PPP1R9A: variants seen among roughly 807,000 people sequenced by gnomAD.
PPP1R9A encodes the protein neurabin-1.
PPP1R9A carries 59 observed loss-of-function variants against 141.9 expected under a neutral mutation model. The observed-to-expected ratio is 0.42, with a 90% confidence interval of 0.34 to 0.52. PPP1R9A has a LOEUF of 0.52. Ranked by LOEUF, PPP1R9A falls within the 20% of genes least tolerant of loss-of-function variation. PPP1R9A has a pLI of 0.10. For missense variants in PPP1R9A, 1,444 were observed against 1,611.9 expected, an observed-to-expected ratio of 0.90 and a Z score of 1.78; for synonymous variants, 500 against 569.7, an observed-to-expected ratio of 0.88 and a Z score of 1.74.
At chr7:95,258,916 C>A (rs1294464393) in intron 12 of PPP1R9A, among the ~76,000 whole-genome samples, 2 of 152,128 alleles carry the variant, frequency 1.3e-5, no homozygotes, top group Non-Finnish European at 2.9e-5. Context: ...TATGGCCCGA[C>A]AAATTTACTT....
At chr7:95,067,547 A>G (rs1015620939) in intron 2 of PPP1R9A, among the ~76,000 whole-genome samples, 1 of 152,194 alleles carries the variant, frequency 6.6e-6, no homozygotes, top group Non-Finnish European at 1.5e-5. Context: ...AATTTGTGTG[A>G]GAAAGAAGAG....
At chr7:94,971,394 A>G (rs187100948) in intron 2 of PPP1R9A, among the ~76,000 whole-genome samples, 2 of 152,372 alleles carry the variant, frequency 1.3e-5, no homozygotes, top group East Asian at 3.9e-4. Flanking sequence ...TGACCAAGCA[A>G]GAAAAGACTG....
intron 4 of PPP1R9A, chr7:95,155,862 A>G (rs899371524): frequency 1.3e-5 from 2 of 152,362 alleles, no homozygotes; most frequent in African/African-American, 4.8e-5. Flanking sequence ...ACAATAAAGC[A>G]TTATTTTGGG....
intron 4 of PPP1R9A, among the ~76,000 whole-genome samples, chr7:95,152,961 TG>T (rs1828977230): frequency 6.6e-6 from 1 of 151,312 alleles, no homozygotes; most frequent in Non-Finnish European, 1.5e-5. Context: ...CCGATTCTCC[TG>T]CCTCAGCCTC....
In PPP1R9A at chr7:95,286,280, T is replaced by A. The variant is rs747675920; in HGVS notation, c.3684T>A (p.Pro1228=). The A allele has an allele frequency of 6.2e-7, 1 of 1,613,682 alleles. No individual in the cohort carries two copies. Among genetic ancestry groups the A allele is most frequent in the Non-Finnish European group, 8.5e-7 (1 of 1,179,716 alleles). ...SADLSGLGAE[P]KTPGLSQSLA... The stretch of plus-strand genomic sequence containing the variant: ...ACCTCAGCGGCTTAGGAGCAGAACC[T>A]AAAACACCAGGGCTCTCTCAGTCCT... Residue 1228 remains proline, a synonymous_variant, in exon 18 of 20, where the codon CCT becomes CCA. Coordinates refer to ENST00000433360, the MANE Select transcript of PPP1R9A (RefSeq NM_001166160.2).
In PPP1R9A at chr7:95,250,029, C is replaced by T; in HGVS notation, c.2170C>T (p.Gln724Ter). ...AEIQKLKTKL[Q>*]AAENEKVRWE... ...CCTTGACGTTTGCTTTCTCCAGCTGCAGGCAGCAGAAAATGAGAAAGTGAG... is the reference window on the plus strand; with the variant it reads ...CCTTGACGTTTGCTTTCTCCAGCTGTAGGCAGCAGAAAATGAGAAAGTGAG... The change falls in exon 10 of 20, where the codon CAG (glutamine) becomes TAG (stop). Residue 724 changes from glutamine (Q) to a stop codon, truncating the protein, a stop_gained. Transcript: ENST00000433360. LOFTEE classifies it high-confidence loss of function. 1 of 1,597,834 alleles carries T rather than the reference C, an allele frequency of 6.3e-7. No individual in the cohort carries two copies. Among genetic ancestry groups the T allele is most frequent in the Non-Finnish European group, 8.5e-7 (1 of 1,173,712 alleles).
At chr7:95,152,212 A>G (rs1208905368) in intron 4 of PPP1R9A, among the ~76,000 whole-genome samples, 2 of 152,068 alleles carry the variant, frequency 1.3e-5, no homozygotes, top group Non-Finnish European at 2.9e-5. Context: ...GGCTTTCCAC[A>G]GTGCTGGGAT....
At chr7:95,034,652 C>T (rs1483700083) in intron 2 of PPP1R9A, among the ~76,000 whole-genome samples, 5 of 152,204 alleles carry the variant, frequency 3.3e-5, no homozygotes, top group Middle Eastern at 3.4e-3. Flanking sequence ...CACACCCGGT[C>T]GTATTTTGTC....
intron 2 of PPP1R9A, among the ~76,000 whole-genome samples, chr7:94,921,303 T>C (rs936592013): frequency 8.6e-5 from 13 of 151,778 alleles, no homozygotes; most frequent in African/African-American, 2.4e-4. Flanking sequence ...AAAAATTAGC[T>C]GGGCGTGGTT....
intron 2 of PPP1R9A, among the ~76,000 whole-genome samples, chr7:95,030,894 G>C (rs928816668): frequency 3.3e-5 from 5 of 152,190 alleles, no homozygotes; most frequent in African/African-American, 1.2e-4. Flanking sequence ...GACTGGAACA[G>C]CATACTGGGC....
rs760599911 is a variant in PPP1R9A at position 95,288,611 on chromosome 7, G to A, written c.3805G>A (p.Val1269Ile). The A allele has an allele frequency of 6.8e-6, 11 of 1,613,968 alleles. No homozygotes were observed. ...CGTTCAGGAATGGAGTGTGCAGCAGGTTTCTCACTGGTTAATGAGCCTAAA... is the reference window on the plus strand; with the variant it reads ...CGTTCAGGAATGGAGTGTGCAGCAGATTTCTCACTGGTTAATGAGCCTAAA... ...RAVQEWSVQQ[V>I]SHWLMSLNLE... The change falls in exon 19 of 20, where the codon GTT becomes ATT. Residue 1269 changes from valine to isoleucine, a missense_variant. Physicochemically the swap from Val to Ile is conservative, Grantham distance 29. Coordinates refer to ENST00000433360, the MANE Select transcript of PPP1R9A (RefSeq NM_001166160.2).
intron 4 of PPP1R9A, among the ~76,000 whole-genome samples, chr7:95,152,215 G>A (rs567420473): frequency 3.3e-5 from 5 of 152,030 alleles, no homozygotes; most frequent in Non-Finnish European, 7.4e-5. Context: ...TTTCCACAGT[G>A]CTGGGATTAC....
At chr7:95,288,350 C>T (rs1415944411) in intron 18 of PPP1R9A, among the ~76,000 whole-genome samples, 186 bp from the exon 19 acceptor site, 1 of 152,064 alleles carries the variant, frequency 6.6e-6, no homozygotes, top group African/African-American at 2.4e-5. Context: ...AATTTCTAAA[C>T]TTCTAAAAAC....
At position 94,978,660 on chromosome 7, in the gene PPP1R9A, T is replaced by G. The variant is rs566421615; in HGVS notation, c.1395+67152T>G. ...AAATAAACACCAGTCATATTTAGAATGAAATAATGACCTAGTGTAAGTATT... is the reference window on the plus strand; with the variant it reads ...AAATAAACACCAGTCATATTTAGAAGGAAATAATGACCTAGTGTAAGTATT... On this transcript the variant is annotated intron_variant, in intron 2 of 19. Transcript: ENST00000433360. Among the ~76,000 whole-genome samples, 28 of 152,350 alleles carry G rather than the reference T, an allele frequency of 1.8e-4. No individual in the cohort carries two copies. In the South Asian group the frequency reaches 5.2e-3, roughly 28 times the overall value.
chr7:95,000,892 T>A (rs964301244), intron 2 of PPP1R9A, among the ~76,000 whole-genome samples: 1 of 152,208 alleles, frequency 6.6e-6, no homozygotes, highest in Non-Finnish European at 1.5e-5. Flanking sequence ...CAATTTTGGT[T>A]AAAGAGAATG....
intron 2 of PPP1R9A, among the ~76,000 whole-genome samples, chr7:95,047,290 T>C (rs1810158322): frequency 6.6e-6 from 1 of 152,186 alleles, no homozygotes; most frequent in Non-Finnish European, 1.5e-5. Flanking sequence ...CACAAATGCT[T>C]TAGAGTACAT....
chr7:95,238,163 T>A (rs545504459), intron 8 of PPP1R9A, among the ~76,000 whole-genome samples: 30 of 152,114 alleles, frequency 2.0e-4, no homozygotes, highest in Admixed American at 1.2e-3. Flanking sequence ...ATTTCAGGAG[T>A]TTTAGTTACA....
At chr7:95,176,244 G>A (rs1585086939) in intron 5 of PPP1R9A, among the ~76,000 whole-genome samples, 1 of 152,190 alleles carries the variant, frequency 6.6e-6, no homozygotes, top group African/African-American at 2.4e-5. Context: ...GCTAGATCCA[G>A]AAGAGAGATA....
intron 8 of PPP1R9A, among the ~76,000 whole-genome samples, chr7:95,238,511 T>C (rs530753431): frequency 7.2e-5 from 11 of 152,142 alleles, no homozygotes; most frequent in South Asian, 2.1e-4. Context: ...TCCTCAGTTT[T>C]CCAAAGACAT....
Sources: gnomAD v4.1 joint callset for allele counts (sites outside exome capture counted in the v4.1 genomes callset) on GRCh38, gnomAD v4.1.1 for gene constraint, MANE v1.5 for transcripts, NCBI Gene and HGNC (gene_info 2026-07-23, HGNC 2026-07-21) for gene names.